SNTG1: variants seen among roughly 807,000 people sequenced by gnomAD.
SNTG1 encodes syntrophin gamma 1.
Under a neutral mutation model 74.7 loss-of-function variants are expected in SNTG1, and 39 were observed. That is an observed-to-expected ratio of 0.52 (90% CI 0.40 to 0.68). The LOEUF (loss-of-function observed/expected upper bound fraction) is 0.68. SNTG1 is among the 30% of genes least tolerant of loss of function. The pLI is 0.00. For missense variants in SNTG1, 685 were observed against 609.5 expected, an observed-to-expected ratio of 1.12 and a Z score of -1.30; for synonymous variants, 254 against 217.1, an observed-to-expected ratio of 1.17 and a Z score of -1.49.
intron 2 of SNTG1, among the ~76,000 whole-genome samples, chr8:50,328,667 G>T (rs1164034972): frequency 2.0e-5 from 3 of 152,102 alleles, no homozygotes; most frequent in African/African-American, 7.2e-5. Flanking sequence ...AGCATGTGGG[G>T]ATTACAGGTC....
intron 17 of SNTG1, among the ~76,000 whole-genome samples, chr8:50,735,995 C>A (rs966258963): frequency 1.3e-5 from 2 of 151,972 alleles, no homozygotes; most frequent in African/African-American, 4.8e-5. Flanking sequence ...GGATTTTCAA[C>A]CCAGAATTTC....
chr8:50,487,111 A>G (rs2093803044), intron 8 of SNTG1, among the ~76,000 whole-genome samples: 1 of 152,184 alleles, frequency 6.6e-6, no homozygotes, highest in African/African-American at 2.4e-5. Flanking sequence ...TGGCCATCAG[A>G]GAAATGCAAA....
intron 1 of SNTG1, among the ~76,000 whole-genome samples, chr8:50,008,337 A>G (rs1815447022): frequency 6.6e-6 from 1 of 152,186 alleles, no homozygotes; most frequent in Non-Finnish European, 1.5e-5. Flanking sequence ...TGTTTCCAGG[A>G]CTAAATGAGC....
chr8:50,292,979 G>A (rs1430309485), intron 2 of SNTG1, among the ~76,000 whole-genome samples: 2 of 152,076 alleles, frequency 1.3e-5, no homozygotes, highest in Non-Finnish European at 2.9e-5. Context: ...AAGACACAGT[G>A]GGTTCTGGCC....
chr8:50,788,720 TG>T (rs769006265), intron 18 of SNTG1, among the ~76,000 whole-genome samples: 2 of 152,168 alleles, frequency 1.3e-5, no homozygotes, highest in Non-Finnish European at 2.9e-5. Flanking sequence ...CAACACTTCC[TG>T]CTTTATCCTA....
chr8:50,707,822 A>G (rs1041533969), intron 16 of SNTG1: 6 of 366,654 alleles, frequency 1.6e-5, no homozygotes, highest in African/African-American at 1.0e-4. Context: ...AGATGTAACA[A>G]TACATCATGT....
At chr8:50,264,282 A>G (rs2087340486) in intron 2 of SNTG1, among the ~76,000 whole-genome samples, 1 of 151,982 alleles carries the variant, frequency 6.6e-6, no homozygotes, top group African/African-American at 2.4e-5. Flanking sequence ...GAAACCAGAA[A>G]ATGCACTGGG....
At chr8:50,248,998 G>A (rs2086524075) in intron 2 of SNTG1, among the ~76,000 whole-genome samples, 1 of 152,116 alleles carries the variant, frequency 6.6e-6, no homozygotes, top group African/African-American at 2.4e-5. Flanking sequence ...TGTGGAGCAT[G>A]GGAGCCCAGT....
intron 2 of SNTG1, among the ~76,000 whole-genome samples, chr8:50,300,723 G>A (rs2130660931): frequency 6.6e-6 from 1 of 152,078 alleles, no homozygotes; most frequent in Middle Eastern, 3.4e-3. Flanking sequence ...TTTCCTTTTA[G>A]CCTGAAGTAA....
chr8:50,208,804 G>A (rs548239849), intron 2 of SNTG1, among the ~76,000 whole-genome samples: 91 of 152,250 alleles, frequency 6.0e-4, no homozygotes, highest in African/African-American at 2.0e-3. Context: ...GATAGGAACA[G>A]CTCCAGTCTG....
intron 13 of SNTG1, among the ~76,000 whole-genome samples, chr8:50,593,746 C>A (rs1358918196): frequency 6.9e-6 from 1 of 144,512 alleles, no homozygotes; most frequent in African/African-American, 2.6e-5. Flanking sequence ...GAGACAGAGT[C>A]TCATTCTGTC....
Position 50,049,233 on chromosome 8 carries a change from C to A in SNTG1, c.-102-123328C>A, listed in dbSNP as rs142626322. On this transcript the variant is annotated intron_variant, in intron 1 of 18. Transcript: ENST00000642720. ...ATTTAAAAGACAGGCTAACAGAATG[C>A]GCAAGGAAACAAGATCCAACTGCAT... 4.6e-3 allele frequency among the ~76,000 whole-genome samples: 706 copies of A among 151,976 alleles called. 5 individuals are homozygous for A. The highest frequency in any genetic ancestry group is 0.016 in the African/African-American group (663 of 41,474).
chr8:50,522,814 T>A (rs1463146441), intron 9 of SNTG1, among the ~76,000 whole-genome samples: 1 of 152,106 alleles, frequency 6.6e-6, no homozygotes, highest in Non-Finnish European at 1.5e-5. Flanking sequence ...CCTGACCTTG[T>A]GATCTGCCTG....
At chr8:50,353,902 T>C (rs959470187) in intron 2 of SNTG1, among the ~76,000 whole-genome samples, 1 of 152,206 alleles carries the variant, frequency 6.6e-6, no homozygotes, top group Non-Finnish European at 1.5e-5. Context: ...CTTCTAAGTG[T>C]TCAGTATTTT....
chr8:50,442,836 C>A (rs1348554510), intron 5 of SNTG1, among the ~76,000 whole-genome samples: 1 of 152,164 alleles, frequency 6.6e-6, no homozygotes, highest in Non-Finnish European at 1.5e-5. Flanking sequence ...TGTTCTCAGG[C>A]AGAAACTGCT....
At chr8:50,574,063 A>G (rs1346149570) in intron 12 of SNTG1, among the ~76,000 whole-genome samples, 1 of 152,066 alleles carries the variant, frequency 6.6e-6, no homozygotes, top group Non-Finnish European at 1.5e-5. Context: ...TACCTGTAAC[A>G]TCTCAACCCA....
chr8:50,533,840 AC>A (rs1174622496), intron 10 of SNTG1, among the ~76,000 whole-genome samples: 2 of 152,172 alleles, frequency 1.3e-5, no homozygotes, highest in East Asian at 3.9e-4. Context: ...GTCAAAGGCC[AC>A]ATATATTTCC....
chr8:50,007,749 A>T (rs1485131593), intron 1 of SNTG1, among the ~76,000 whole-genome samples: 1 of 152,104 alleles, frequency 6.6e-6, no homozygotes, highest in East Asian at 1.9e-4. Context: ...ATGAATTTAG[A>T]GGAAAGAGAA....
At chr8:50,737,005 A>G (rs997709931) in intron 17 of SNTG1, among the ~76,000 whole-genome samples, 5 of 152,064 alleles carry the variant, frequency 3.3e-5, no homozygotes, top group Admixed American at 6.6e-5. Flanking sequence ...TAAAAGAACT[A>G]GAGAAGTAAA....
Sources: gnomAD v4.1 joint callset for allele counts (sites outside exome capture counted in the v4.1 genomes callset) on GRCh38, gnomAD v4.1.1 for gene constraint, MANE v1.5 for transcripts, NCBI Gene and HGNC (gene_info 2026-07-23, HGNC 2026-07-21) for gene names.